The following CDC27 variants were observed in gnomAD, a reference collection of about 807,000 sequenced individuals.
The protein encoded by CDC27 is cell division cycle protein 27 homolog.
A neutral mutation model predicts 109.7 loss-of-function variants in CDC27; 27 were observed. That is an observed-to-expected ratio of 0.25 (90% CI 0.18 to 0.34). CDC27 has a LOEUF of 0.34. Ranked by LOEUF, CDC27 falls within the 10% of genes least tolerant of loss-of-function variation. The pLI, the probability that CDC27 is intolerant of heterozygous loss-of-function variation, is 1.00. For missense variants in CDC27, 579 were observed against 960.2 expected (o/e 0.60, Z 5.25); for synonymous variants, 266 against 333.9 (o/e 0.80, Z 2.22).
At chr17:47,128,916 C>T (rs2062232729) in intron 16 of CDC27, among the ~76,000 whole-genome samples, 1 of 152,006 alleles carries the variant, frequency 6.6e-6, no homozygotes, top group Admixed American at 6.6e-5. Context: ...GACTTACAGG[C>T]ACCTGCCACC....
intron 1 of CDC27, among the ~76,000 whole-genome samples, chr17:47,188,007 G>A (rs1168828126): frequency 6.6e-6 from 1 of 151,956 alleles, no homozygotes; most frequent in Non-Finnish European, 1.5e-5. Flanking sequence ...GTAAACAGCT[G>A]GAGAAAAAAA....
intron 2 of CDC27, among the ~76,000 whole-genome samples, chr17:47,175,569 A>G (rs1194407195): frequency 6.6e-6 from 1 of 152,148 alleles, no homozygotes; most frequent in African/African-American, 2.4e-5. Flanking sequence ...TAATCTCAGC[A>G]CTCTGGGAGG....
chr17:47,160,872 C>G (rs2063478088), intron 4 of CDC27, among the ~76,000 whole-genome samples: 1 of 152,094 alleles, frequency 6.6e-6, no homozygotes, highest in Admixed American at 6.6e-5. Context: ...TGAGTAAAAA[C>G]TAGAAATAAG....
At chr17:47,133,217 C>T (rs2062448981) in intron 14 of CDC27, among the ~76,000 whole-genome samples, 1 of 148,172 alleles carries the variant, frequency 6.7e-6, no homozygotes, top group Non-Finnish European at 1.5e-5. Flanking sequence ...CGGCTCACCA[C>T]AACCTCCACC....
intron 2 of CDC27, among the ~76,000 whole-genome samples, chr17:47,178,810 G>GT (rs1001921975): frequency 6.0e-5 from 9 of 150,650 alleles, no homozygotes; most frequent in East Asian, 3.9e-4. Context: ...TCCTTTTTCC[G>GT]TTTTTTTTTT....
rs779271397 is a variant in CDC27 at position 47,189,167 on chromosome 17, C to G, written c.6G>C (p.Thr2=). ...TTACCTGGACGGGTTCCTGCAGCAC[C>G]GTCATCCTCGAGGCTCAGGCCCACT... M[T]VLQEPVQAAI... is the part of the protein sequence containing the mutation. The change falls in exon 1 of 19, where the codon ACG becomes ACC. Residue 2 remains threonine, a synonymous_variant. Coordinates refer to ENST00000066544, the MANE Select transcript of CDC27 (RefSeq NM_001256.6). 25 of 1,612,788 alleles carry G rather than the reference C, an allele frequency of 1.6e-5. 1 individual carries two copies. The East Asian group carries it at 5.1e-4, about 33-fold the overall frequency.
rs775080482 is a variant in CDC27, at chr17:47,189,184, AG to A, written c.-13del. ...TGCAGCACCGTCATCCTCGAGGCTC[AG>A]GCCCACTTTCTGCAGTGCCTCAGGC... On this transcript the variant is annotated 5_prime_UTR_variant, in exon 1 of 19. An upstream open reading frame in the 5' UTR loses its in-frame stop. Coordinates refer to ENST00000066544, the MANE Select transcript of CDC27 (RefSeq NM_001256.6). The A allele has an allele frequency of 1.9e-6, 3 of 1,610,366 alleles. No individual in the cohort carries two copies. In the African/African-American group the frequency reaches 4.0e-5, roughly 22 times the overall value.
Position 47,183,845 on chromosome 17 carries a change from C to G in CDC27, c.28-2208G>C, listed in dbSNP as rs2149011261. Among the ~76,000 whole-genome samples the G allele has an allele frequency of 2.0e-5, 3 of 152,254 alleles. No homozygotes were observed. The South Asian group carries it at 6.2e-4, about 32-fold the overall frequency. On this transcript the variant is annotated intron_variant, in intron 1 of 18. Coordinates refer to ENST00000066544, the MANE Select transcript of CDC27 (RefSeq NM_001256.6). ...ATGATCTTTAATTTCTAGCAGTCTT[C>G]CACTGTTGACACTCTTGTACGTTAG...
At chr17:47,154,538 C>T in intron 8 of CDC27, 134 bp downstream of exon 8, 1 of 569,996 alleles carries the variant, frequency 1.8e-6, no homozygotes, top group South Asian at 2.4e-5. Context: ...TTAGATCACC[C>T]TCTACCTGCT....
chr17:47,145,624 C>T (rs756142796), intron 9 of CDC27, among the ~76,000 whole-genome samples: 88 of 151,996 alleles, frequency 5.8e-4, no homozygotes, highest in Non-Finnish European at 5.1e-4. Flanking sequence ...ACCATGTGGC[C>T]GGGCATGGTG....
At position 47,137,363 on chromosome 17, in the gene CDC27, TA is replaced by T. The variant is rs746915890; in HGVS notation, c.1705-4del. ...CAGTTCCCTGCAGCACACCAGGCCT[TA>T]AAAAAATGGGAACAAAAACCAAACA... On this transcript the variant is annotated splice_polypyrimidine_tract_variant and splice_region_variant and intron_variant, in intron 13 of 18. Transcript: ENST00000066544. 9.8e-6 allele frequency: 15 copies of T among 1,533,532 alleles called. No homozygotes were observed. Among genetic ancestry groups the T allele is most frequent in the Middle Eastern group, 1.8e-4 (1 of 5,608 alleles). The allele number at this position is 1,533,532 out of a possible 1,614,324, so 95.0% of individuals were successfully genotyped here. A position where few individuals can be genotyped will look rare whatever the true frequency, so the allele number is the denominator to read the frequency against.
chr17:47,121,536 CA>C (rs1181241942), intron 18 of CDC27, among the ~76,000 whole-genome samples: 2 of 152,070 alleles, frequency 1.3e-5, no homozygotes, highest in Non-Finnish European at 2.9e-5. Context: ...CTCCTGGGCT[CA>C]AGTGGTATGA....
At chr17:47,172,571 T>A (rs1291140011) in intron 2 of CDC27, among the ~76,000 whole-genome samples, 1 of 152,210 alleles carries the variant, frequency 6.6e-6, no homozygotes, top group Non-Finnish European at 1.5e-5. Flanking sequence ...CATTAAATTA[T>A]ATTTAAGATA....
chr17:47,127,886 G>A (rs1391167344), intron 16 of CDC27, among the ~76,000 whole-genome samples: 1 of 150,114 alleles, frequency 6.7e-6, no homozygotes, highest in African/African-American at 2.5e-5. Flanking sequence ...TATTTTTTTT[G>A]GTAGAGATGG....
At chr17:47,141,111 G>A (rs2148863075) in intron 12 of CDC27, among the ~76,000 whole-genome samples, 1 of 152,304 alleles carries the variant, frequency 6.6e-6, no homozygotes, top group Non-Finnish European at 1.5e-5. Context: ...ACAGAGTCTA[G>A]AAGAGAGTCC....
intron 2 of CDC27, 180 bp downstream of exon 2, chr17:47,181,382 G>C (rs2064231661): frequency 3.2e-6 from 1 of 311,218 alleles, no homozygotes; most frequent in East Asian, 5.0e-5. Context: ...ATTCTACATA[G>C]TTATTAAAAG....
intron 2 of CDC27, among the ~76,000 whole-genome samples, chr17:47,177,363 G>T (rs2064055551): frequency 6.6e-6 from 1 of 152,202 alleles, no homozygotes; most frequent in Non-Finnish European, 1.5e-5. Flanking sequence ...GATCACTTGA[G>T]GCTAGGAGTT....
At chr17:47,138,609 TAG>T (rs957858365) in intron 13 of CDC27, 128 bp downstream of exon 13, 26 of 607,488 alleles carry the variant, frequency 4.3e-5, no homozygotes, top group Admixed American at 2.4e-4. Context: ...AGTCCCTGAC[TAG>T]AGAGAGAGGA....
chr17:47,183,515 T>C (rs1438460839), intron 1 of CDC27, among the ~76,000 whole-genome samples: 3 of 152,204 alleles, frequency 2.0e-5, no homozygotes, highest in Non-Finnish European at 4.4e-5. Context: ...AACCTTTGTT[T>C]ATATAGCTTA....
Sources: gnomAD v4.1 joint callset for allele counts (sites outside exome capture counted in the v4.1 genomes callset) on GRCh38, gnomAD v4.1.1 for gene constraint, MANE v1.5 for transcripts, NCBI Gene and HGNC (gene_info 2026-07-23, HGNC 2026-07-21) for gene names.